PLCH1: variants seen among roughly 807,000 people sequenced by gnomAD.
PLCH1 encodes the protein 1-phosphatidylinositol 4,5-bisphosphate phosphodiesterase eta-1.
In PLCH1, 60 loss-of-function variants were observed where a neutral mutation model predicts 126.7. The observed-to-expected ratio is 0.47, with a 90% CI of 0.38 to 0.59. The LOEUF (loss-of-function observed/expected upper bound fraction) is 0.59. Ranked by LOEUF, PLCH1 falls within the 20% of genes least tolerant of loss-of-function variation. PLCH1 has a pLI of 0.00. For missense variants in PLCH1, 1,723 were observed against 2,040.0 expected (o/e 0.84, Z 2.99); for synonymous variants, 719 against 734.9 (o/e 0.98, Z 0.35).
At chr3:155,678,985 C>T (rs554359110) in intron 2 of PLCH1, among the ~76,000 whole-genome samples, 8 of 152,158 alleles carry the variant, frequency 5.3e-5, no homozygotes, top group Non-Finnish European at 1.0e-4. Context: ...TCTTTCACAC[C>T]TGAGTTCTAC....
At chr3:155,650,833 T>C (rs1056625167) in intron 2 of PLCH1, among the ~76,000 whole-genome samples, 1 of 151,692 alleles carries the variant, frequency 6.6e-6, no homozygotes, top group Non-Finnish European at 1.5e-5. Context: ...AGGTCAGGAG[T>C]TCGAGACTAG....
intron 2 of PLCH1, among the ~76,000 whole-genome samples, chr3:155,685,695 C>G (rs114049468): frequency 2.6e-5 from 4 of 152,300 alleles, no homozygotes; most frequent in Admixed American, 2.6e-4. Context: ...TCTATAATAA[C>G]AGATGCAAAA....
At chr3:155,668,636 T>C (rs4680212) in intron 2 of PLCH1, among the ~76,000 whole-genome samples, 47,136 of 152,070 alleles carry the variant, frequency 0.31, 7,549 homozygotes, top group Middle Eastern at 0.39. Flanking sequence ...CTCACACCTG[T>C]AATCCCAGCA....
Position 155,656,142 on chromosome 3 carries a change from T to C in PLCH1, c.79+48004A>G, listed in dbSNP as rs960234447. 1.4e-4 allele frequency among the ~76,000 whole-genome samples: 21 copies of C among 151,690 alleles called. 1 individual carries two copies. The highest frequency in any genetic ancestry group is 2.6e-4 in the Admixed American group (4 of 15,136). ...CAAAACAGATAGTAATAGTTCAATT[T>C]TCATAGAAGGAATAGAGAAAATTAC... On this transcript the variant is annotated intron_variant, in intron 2 of 22. Coordinates refer to ENST00000460012, the MANE Select transcript of PLCH1 (RefSeq NM_014996.4).
At chr3:155,527,290 G>A (rs112696340) in intron 10 of PLCH1, among the ~76,000 whole-genome samples, 7 of 152,266 alleles carry the variant, frequency 4.6e-5, no homozygotes, top group South Asian at 2.1e-4. Flanking sequence ...ATCATCCCAG[G>A]CTGATCTCTA....
At chr3:155,520,602 G>A (rs541572881) in intron 11 of PLCH1, among the ~76,000 whole-genome samples, 4 of 152,310 alleles carry the variant, frequency 2.6e-5, no homozygotes, top group South Asian at 2.1e-4. Context: ...AAATACAGAG[G>A]TGGAAAGTGT....
chr3:155,558,269 C>T (rs1044190288), intron 8 of PLCH1, among the ~76,000 whole-genome samples: 1 of 152,188 alleles, frequency 6.6e-6, no homozygotes, highest in Admixed American at 6.5e-5. Flanking sequence ...GCTGTGGGAC[C>T]TGAAATTTTC....
intron 2 of PLCH1, among the ~76,000 whole-genome samples, chr3:155,603,444 T>C (rs1433867397): frequency 1.3e-5 from 2 of 152,202 alleles, no homozygotes; most frequent in African/African-American, 4.8e-5. Flanking sequence ...ACTTGGTACA[T>C]AGCAGGTGCT....
chr3:155,662,563 G>A (rs1008212628), intron 2 of PLCH1, among the ~76,000 whole-genome samples: 1 of 151,658 alleles, frequency 6.6e-6, no homozygotes, highest in Admixed American at 6.6e-5. Context: ...AAAATAAGAG[G>A]CCAAAGAGAA....
In PLCH1 at chr3:155,485,429, T is replaced by G; in HGVS notation, c.2901A>C (p.Arg967Ser). 6.2e-7 allele frequency: 1 copy of G among 1,612,152 alleles called. No individual in the cohort carries two copies. Residue 967 changes from arginine (R) to serine (S), a missense_variant, in exon 22 of 23, where the codon AGA becomes AGC. Around this residue, in one of 2 missense-constraint regions of PLCH1, gnomAD observed 947 missense variants for 977.1 expected, o/e 0.97. Coordinates refer to ENST00000460012, the MANE Select transcript of PLCH1 (RefSeq NM_014996.4). ...GCAGCGACAAAGCTCCCAGAAGGTT[T>G]CTGTCAACAGGCATAGAGACAGGGC... ...QARPVSMPVDRNLLGALSLPV... is the reference protein window; with the variant it reads ...QARPVSMPVDSNLLGALSLPV...
chr3:155,631,688 T>C (rs116640501), intron 2 of PLCH1, among the ~76,000 whole-genome samples: 480 of 152,262 alleles, frequency 3.2e-3, no homozygotes, highest in Non-Finnish European at 5.2e-3. Context: ...ACATCAGAAT[T>C]TATCCCCACA....
At position 155,468,390 on chromosome 3, in the gene PLCH1, G is replaced by A. The variant is rs1269282004; in HGVS notation, c.2938+16966C>T. ...CAGAAAACGAACAACAAAATGGGAGGAGTAAGTCCTAAAAATGACATTGAA... is the reference window on the plus strand; with the variant it reads ...CAGAAAACGAACAACAAAATGGGAGAAGTAAGTCCTAAAAATGACATTGAA... On this transcript the variant is annotated intron_variant, in intron 21 of 21. Coordinates refer to the PLCH1 transcript ENST00000494598. Among the ~76,000 whole-genome samples the A allele has an allele frequency of 3.3e-5, 5 of 152,130 alleles. No homozygotes were observed. In the South Asian group the frequency reaches 8.3e-4, roughly 25 times the overall value.
At chr3:155,549,663 C>G in intron 10 of PLCH1, 124 bp downstream of exon 10, 1 of 690,656 alleles carries the variant, frequency 1.4e-6, no homozygotes, top group Non-Finnish European at 2.4e-6. Context: ...ATACATAGAT[C>G]TAGACAATCC....
chr3:155,497,530 C>T, intron 14 of PLCH1, 113 bp from the exon 15 acceptor site: 1 of 751,988 alleles, frequency 1.3e-6, no homozygotes, highest in Non-Finnish European at 2.3e-6. Context: ...ATACCTGCCC[C>T]AGGTCCTAAG....
chr3:155,485,227 C>T, intron 22 of PLCH1, 129 bp downstream of exon 22: 1 of 629,156 alleles, frequency 1.6e-6, no homozygotes, highest in Non-Finnish European at 2.8e-6. Context: ...TGGAAGATCA[C>T]ATTACAAAGT....
chr3:155,572,884 C>A (rs1577045200), intron 6 of PLCH1, among the ~76,000 whole-genome samples: 2 of 151,986 alleles, frequency 1.3e-5, no homozygotes, highest in Non-Finnish European at 2.9e-5. Context: ...CACCACTGCA[C>A]CTGGCTGATT....
At chr3:155,538,740 G>A (rs546966207) in intron 10 of PLCH1, among the ~76,000 whole-genome samples, 4 of 151,956 alleles carry the variant, frequency 2.6e-5, no homozygotes, top group South Asian at 2.1e-4. Flanking sequence ...CAAGCAGTCC[G>A]ACTGAAATGC....
At chr3:155,453,610 A>C (rs1036807241) in intron 21 of PLCH1, among the ~76,000 whole-genome samples, 17 of 152,090 alleles carry the variant, frequency 1.1e-4, no homozygotes, top group African/African-American at 3.4e-4. Flanking sequence ...TGGAATTCAG[A>C]ATAAAGAACT....
At chr3:155,648,117 T>C (rs1253544464) in intron 2 of PLCH1, among the ~76,000 whole-genome samples, 1 of 152,200 alleles carries the variant, frequency 6.6e-6, no homozygotes, top group Non-Finnish European at 1.5e-5. Flanking sequence ...AACTGTAATA[T>C]AGTCATCTTA....
Sources: gnomAD v4.1 joint callset for allele counts (sites outside exome capture counted in the v4.1 genomes callset) on GRCh38, gnomAD v4.1.1 for gene constraint, gnomAD v4.1.1 regional missense constraint, MANE v1.5 for transcripts, NCBI Gene and HGNC (gene_info 2026-07-23, HGNC 2026-07-21) for gene names.